The following KIF1A variants were observed in gnomAD, a reference collection of about 807,000 sequenced individuals.
The protein encoded by KIF1A is kinesin family member 1A.
Under a neutral mutation model 227.3 loss-of-function variants are expected in KIF1A, and 46 were observed. The observed-to-expected ratio is 0.20, with a 90% CI of 0.16 to 0.26. KIF1A has a LOEUF of 0.26. Among genes scored for constraint, KIF1A ranks in the 10% least tolerant of loss-of-function variants. The probability of loss-of-function intolerance (pLI) is 1.00; values close to 1 mark genes in which losing one functional copy is unlikely to be tolerated. For synonymous variants in KIF1A, 1,022 were observed against 1,012.8 expected (o/e 1.01, Z -0.17); for missense variants, 1,683 against 2,485.9 (o/e 0.68, Z 6.87).
At position 240,771,004 on chromosome 2, in the gene KIF1A, G is replaced by A. The variant is rs1422573673; in HGVS notation, c.1308C>T (p.Ala436=). The change falls in exon 15 of 49, where the codon GCC becomes GCT. Residue 436 remains alanine (A), a synonymous_variant. Transcript: ENST00000498729. ...VSSLHERILF[A]PGSEEAIERL... ...TTTCAATGGCCTCCTCGCTGCCCGG[G>A]GCAAACAAGATGCGCTCGTGGAGGC... 1.2e-6 allele frequency: 2 copies of A among 1,612,580 alleles called. No individual in the cohort carries two copies. Among genetic ancestry groups the A allele is most frequent in the Non-Finnish European group, 1.7e-6 (2 of 1,179,858 alleles).
intron 14 of KIF1A, among the ~76,000 whole-genome samples, chr2:240,771,913 G>A (rs1033430897): frequency 2.6e-5 from 4 of 152,184 alleles, no homozygotes; most frequent in Non-Finnish European, 4.4e-5. Context: ...TAGCGGAAGC[G>A]AACACACAGC....
chr2:240,717,378 G>C lies in KIF1A; in HGVS notation c.5362C>G (p.Gln1788Glu). ...RSKLSRRRSA[Q>E]MRV ...AGGGCTCAGGTTCAGACCCGCATCTGGGCAGACCTCCTTCTGGAGAGCTTG... is the reference window on the plus strand; with the variant it reads ...AGGGCTCAGGTTCAGACCCGCATCTCGGCAGACCTCCTTCTGGAGAGCTTG... The change falls in exon 49 of 49, where the codon CAG becomes GAG. Residue 1788 changes from glutamine (Q) to glutamate (E), a missense_variant. Gln to Glu is a conservative substitution (Grantham distance 29). Coordinates refer to ENST00000498729, the MANE Select transcript of KIF1A (RefSeq NM_001244008.2). 1.2e-6 allele frequency: 2 copies of C among 1,611,942 alleles called. No homozygotes were observed. Among genetic ancestry groups the C allele is most frequent in the Non-Finnish European group, 1.7e-6 (2 of 1,179,630 alleles).
In KIF1A at chr2:240,718,687, C is replaced by T. The variant is rs567797464; in HGVS notation, c.5214+319G>A. On this transcript the variant is annotated intron_variant, in intron 47 of 48. Transcript: ENST00000498729. ...CTCGCCCATTCCTGCAGGGCTGGTG[C>T]CACCCACCTTGGGTGACTCCGGAGG... Among the ~76,000 whole-genome samples the T allele has an allele frequency of 7.9e-5, 12 of 152,318 alleles. 1 individual carries two copies. In the East Asian group the frequency reaches 2.3e-3, roughly 29 times the overall value.
intron 28 of KIF1A, 41 bp from the exon 29 acceptor site, chr2:240,747,362 C>T: frequency 3.9e-6 from 6 of 1,543,774 alleles, no homozygotes; most frequent in Non-Finnish European, 5.4e-6. Flanking sequence ...CCCAGCTTGT[C>T]CCCTGAGGTG....
intron 8 of KIF1A, among the ~76,000 whole-genome samples, chr2:240,783,488 G>A (rs1424436198): frequency 6.6e-6 from 1 of 152,174 alleles, no homozygotes; most frequent in East Asian, 1.9e-4. Context: ...TGGCCTCTGG[G>A]CGCAAGGTCC....
intron 2 of KIF1A, among the ~76,000 whole-genome samples, chr2:240,796,637 G>A (rs2056429806): frequency 6.6e-6 from 1 of 152,180 alleles, no homozygotes; most frequent in Non-Finnish European, 1.5e-5. Context: ...GGGCCCCACA[G>A]CCGCAGCAGC....
At chr2:240,734,784 G>A in intron 38 of KIF1A, 1 of 1,303,788 alleles carries the variant, frequency 7.7e-7, no homozygotes, top group Non-Finnish European at 1.0e-6. Context: ...GTGAGGGCCG[G>A]GCAGCGCAGC....
chr2:240,786,811 GA>G (rs2054973469), intron 5 of KIF1A, among the ~76,000 whole-genome samples: 1 of 147,442 alleles, frequency 6.8e-6, no homozygotes, highest in African/African-American at 2.7e-5. Flanking sequence ...CTGCCATCAG[GA>G]CCCCTGAGTG....
chr2:240,787,986 C>A lies in KIF1A; in HGVS notation c.363+65G>T, dbSNP rs116231877. 634 of 1,464,004 alleles carry A rather than the reference C, an allele frequency of 4.3e-4. 1 individual carries two copies. The African/African-American group carries it at 8.1e-3, about 19-fold the overall frequency. The allele number at this position is 1,464,004 out of a possible 1,614,324, so 90.7% of individuals were successfully genotyped here. A position where few individuals can be genotyped will look rare whatever the true frequency, so the allele number is the denominator to read the frequency against. On this transcript the variant is annotated intron_variant, in intron 4 of 48. Coordinates refer to ENST00000498729, the MANE Select transcript of KIF1A (RefSeq NM_001244008.2). ...GCTCTCAGGGGTGCCTGGCCCGGAG[C>A]TCTCAGCCTCAGCTGGTCCCGCCCC...
rs776762408 is a variant in KIF1A, at chr2:240,763,100, G to A, written c.1950-9C>T. On this transcript the variant is annotated splice_polypyrimidine_tract_variant and intron_variant, in intron 21 of 48. Transcript: ENST00000498729. The stretch of plus-strand genomic sequence containing the variant: ...CCTCCAGTTCCTGGAGCCTGCAAGG[G>A]GGCATTGGGGTGAGCACGGGAGGGC... The A allele has an allele frequency of 6.3e-7, 1 of 1,590,356 alleles. No homozygotes were observed. The highest frequency in any genetic ancestry group is 8.5e-7 in the Non-Finnish European group (1 of 1,169,992).
intron 40 of KIF1A, 102 bp from the exon 41 acceptor site, chr2:240,724,138 G>C: frequency 9.8e-7 from 1 of 1,016,222 alleles, no homozygotes; most frequent in Non-Finnish European, 1.6e-6. Flanking sequence ...CGCACAGTCA[G>C]CCTGGCTGGG....
intron 48 of KIF1A, 138 bp downstream of exon 48, chr2:240,717,912 C>A: frequency 1.4e-6 from 1 of 695,420 alleles, no homozygotes; most frequent in Non-Finnish European, 2.6e-6. Flanking sequence ...GAATGGTCCC[C>A]GCCAGGAGGG....
intron 23 of KIF1A, among the ~76,000 whole-genome samples, chr2:240,762,425 G>C (rs1352246294): frequency 2.6e-5 from 4 of 152,236 alleles, no homozygotes; most frequent in Non-Finnish European, 5.9e-5. Flanking sequence ...ACTCCTGTTA[G>C]AGGCAGCATG....
At chr2:240,761,155 A>G (rs2050477998) in intron 24 of KIF1A, 74 bp downstream of exon 24, 3 of 1,511,732 alleles carry the variant, frequency 2.0e-6, no homozygotes, top group Non-Finnish European at 2.7e-6. Flanking sequence ...CTGAGTCCCA[A>G]GTAGCTGTCC....
intron 38 of KIF1A, chr2:240,728,289 G>C: frequency 1.4e-6 from 1 of 714,910 alleles, no homozygotes; most frequent in South Asian, 1.4e-5. Flanking sequence ...CGGGTGGTCA[G>C]AGAAAGGGCA....
Position 240,718,056 on chromosome 2 carries a change from G to T in KIF1A, c.5327C>A (p.Thr1776Asn). 1 of 1,606,454 alleles carries T rather than the reference G, an allele frequency of 6.2e-7. No individual in the cohort carries two copies. The highest frequency in any genetic ancestry group is 8.5e-7 in the Non-Finnish European group (1 of 1,176,548). ...GCCCTGCAGGCGGCCCTACCGTATG[G>T]TCCCGGCCAGGAGGGGGTTGAAGGC... ...LYAFNPLLAG[T>N]IRSKLSRRRS... The change falls in exon 48 of 49, where the codon ACC becomes AAC. Residue 1776 changes from threonine to asparagine, a missense_variant. Transcript: ENST00000498729.
At chr2:240,720,582 G>A (rs926127154) in intron 45 of KIF1A, 10 of 202,092 alleles carry the variant, frequency 4.9e-5, no homozygotes, top group South Asian at 3.6e-4. Context: ...TGACTCTAAC[G>A]GCTCTCATGC....
chr2:240,815,888 A>G (rs2058279772), intron 1 of KIF1A, among the ~76,000 whole-genome samples: 1 of 152,112 alleles, frequency 6.6e-6, no homozygotes, highest in Non-Finnish European at 1.5e-5. Flanking sequence ...TGCTGTTCTC[A>G]TTGTTCAGGT....
rs1429666678 is a variant in KIF1A at position 240,750,516 on chromosome 2, G to C, written c.2890C>G (p.Pro964Ala). 28 of 1,613,752 alleles carry C rather than the reference G, an allele frequency of 1.7e-5. No homozygotes were observed. The highest frequency in any genetic ancestry group is 2.2e-5 in the Non-Finnish European group (26 of 1,179,816). The change falls in exon 28 of 49, where the codon CCC becomes GCC. Residue 964 changes from proline to alanine, a missense_variant. Coordinates refer to ENST00000498729, the MANE Select transcript of KIF1A (RefSeq NM_001244008.2). ...GCCACACGGTGTACCAGGGGAACGG[G>C]GTACAGCAGGTTGCTCAGGTACACG... ...AFVYLSNLLY[P>A]VPLVHRVAIV...
Sources: gnomAD v4.1 joint callset for allele counts (sites outside exome capture counted in the v4.1 genomes callset) on GRCh38, gnomAD v4.1.1 for gene constraint, MANE v1.5 for transcripts, NCBI Gene and HGNC (gene_info 2026-07-23, HGNC 2026-07-21) for gene names.